EFNA5: variants seen among roughly 807,000 people sequenced by gnomAD.
The protein encoded by EFNA5 is ephrin A5, also known as ephrin-A5.
In EFNA5, 5 loss-of-function variants were observed where a neutral mutation model predicts 22.9. The observed-to-expected ratio is 0.22, with a 90% CI of 0.11 to 0.46. The LOEUF (loss-of-function observed/expected upper bound fraction) is 0.46. Ranked by LOEUF, EFNA5 falls within the 20% of genes least tolerant of loss-of-function variation. EFNA5 has a pLI of 0.99. For synonymous variants in EFNA5, 113 were observed against 112.2 expected, an observed-to-expected ratio of 1.01 and a Z score of -0.04; for missense variants, 237 against 293.3, an observed-to-expected ratio of 0.81 and a Z score of 1.40.
At chr5:107,510,111 G>A (rs1489234530) in intron 1 of EFNA5, among the ~76,000 whole-genome samples, 1 of 152,176 alleles carries the variant, frequency 6.6e-6, no homozygotes, top group East Asian at 1.9e-4. Context: ...AGACCTTGCT[G>A]ATAAAACAGC....
At chr5:107,590,481 T>C (rs914794880) in intron 1 of EFNA5, among the ~76,000 whole-genome samples, 1 of 152,054 alleles carries the variant, frequency 6.6e-6, no homozygotes, top group Non-Finnish European at 1.5e-5. Context: ...CTCAACCTCC[T>C]GGGCTCAAGT....
intron 1 of EFNA5, among the ~76,000 whole-genome samples, chr5:107,513,471 T>C (rs535655910): frequency 1.3e-5 from 2 of 152,280 alleles, no homozygotes; most frequent in South Asian, 4.1e-4. Context: ...TCAAAGTGTC[T>C]CACTTGTGTA....
At chr5:107,501,016 C>A (rs1747121128) in intron 1 of EFNA5, among the ~76,000 whole-genome samples, 1 of 152,186 alleles carries the variant, frequency 6.6e-6, no homozygotes, top group African/African-American at 2.4e-5. Flanking sequence ...ACTATTTATT[C>A]ATACCTGGTG....
At chr5:107,638,991 G>GA (rs1750444783) in intron 1 of EFNA5, among the ~76,000 whole-genome samples, 1 of 152,036 alleles carries the variant, frequency 6.6e-6, no homozygotes, top group African/African-American at 2.4e-5. Context: ...TAATAAAATA[G>GA]AAAAAAGATA....
intron 1 of EFNA5, among the ~76,000 whole-genome samples, chr5:107,604,243 T>A (rs1184409106): frequency 2.0e-5 from 3 of 152,132 alleles, no homozygotes; most frequent in Non-Finnish European, 2.9e-5. Context: ...TACAGTGGTG[T>A]ATCACGGCTC....
In EFNA5 at chr5:107,667,317, T is replaced by C. The variant is rs544842803; in HGVS notation, c.125+3172A>G. On this transcript the variant is annotated intron_variant, in intron 1 of 4. Coordinates refer to ENST00000333274, the MANE Select transcript of EFNA5 (RefSeq NM_001962.3). The stretch of plus-strand genomic sequence containing the variant: ...GTTATCAGCATTTGAAAACTCAGTA[T>C]CCACTTCTCAGAAGTGAATACCTGG... Among the ~76,000 whole-genome samples the C allele has an allele frequency of 1.2e-3, 176 of 152,230 alleles. 1 individual carries two copies. Among genetic ancestry groups the C allele is most frequent in the Middle Eastern group, 6.8e-3 (2 of 294 alleles).
chr5:107,387,142 A>G, intron 4 of EFNA5, 93 bp downstream of exon 4: 1 of 819,530 alleles, frequency 1.2e-6, no homozygotes, highest in Middle Eastern at 3.0e-4. Flanking sequence ...CAACTATAAC[A>G]TGCAAACATG....
intron 4 of EFNA5, among the ~76,000 whole-genome samples, chr5:107,383,684 G>A (rs908986399): frequency 6.6e-6 from 1 of 152,054 alleles, no homozygotes; most frequent in Non-Finnish European, 1.5e-5. Flanking sequence ...ACTGTTAAAG[G>A]TACCCAGCTA....
chr5:107,467,800 C>A (rs775685812), intron 1 of EFNA5, among the ~76,000 whole-genome samples: 29 of 152,146 alleles, frequency 1.9e-4, no homozygotes, highest in Non-Finnish European at 3.5e-4. Flanking sequence ...CTTTCCCAGG[C>A]AGAAGCAGGA....
At chr5:107,534,633 G>A (rs1747893560) in intron 1 of EFNA5, among the ~76,000 whole-genome samples, 1 of 152,110 alleles carries the variant, frequency 6.6e-6, no homozygotes. Flanking sequence ...TTTGTGATAT[G>A]TTTTGCAGCT....
At chr5:107,476,741 CT>C (rs1750322859) in intron 1 of EFNA5, among the ~76,000 whole-genome samples, 1 of 147,550 alleles carries the variant, frequency 6.8e-6, no homozygotes, top group Admixed American at 6.6e-5. Flanking sequence ...CTCTTTCTCT[CT>C]CTCTCTCTCT....
intron 1 of EFNA5, among the ~76,000 whole-genome samples, chr5:107,483,409 G>A (rs185888845): frequency 8.3e-4 from 127 of 152,198 alleles, no homozygotes; most frequent in Non-Finnish European, 1.6e-3. Context: ...CCGAATCCTA[G>A]CTATAAGTCA....
At chr5:107,606,170 C>G (rs927751283) in intron 1 of EFNA5, among the ~76,000 whole-genome samples, 3 of 152,172 alleles carry the variant, frequency 2.0e-5, no homozygotes, top group African/African-American at 7.2e-5. Context: ...GCTGCAAATA[C>G]TTAATGCAAT....
chr5:107,651,373 G>T (rs1750726333), intron 1 of EFNA5, among the ~76,000 whole-genome samples: 1 of 152,058 alleles, frequency 6.6e-6, no homozygotes, highest in African/African-American at 2.4e-5. Flanking sequence ...TTCCTAGAGG[G>T]GCACATAAGT....
intron 2 of EFNA5, among the ~76,000 whole-genome samples, chr5:107,423,788 C>G (rs945640802): frequency 6.6e-6 from 1 of 152,092 alleles, no homozygotes; most frequent in Non-Finnish European, 1.5e-5. Context: ...ATTATAACAA[C>G]TTAATATACT....
At chr5:107,592,043 ATT>A (rs1749379182) in intron 1 of EFNA5, among the ~76,000 whole-genome samples, 3 of 93,254 alleles carry the variant, frequency 3.2e-5, no homozygotes, top group East Asian at 5.1e-4. Context: ...TATTATATAT[ATT>A]ATACATTAAA....
intron 1 of EFNA5, among the ~76,000 whole-genome samples, chr5:107,470,486 T>C (rs1357020563): frequency 6.6e-6 from 1 of 152,208 alleles, no homozygotes; most frequent in East Asian, 1.9e-4. Flanking sequence ...AGTGAAACCA[T>C]TAATGTCTGT....
At chr5:107,432,827 C>T (rs902401281) in intron 1 of EFNA5, among the ~76,000 whole-genome samples, 2 of 152,170 alleles carry the variant, frequency 1.3e-5, no homozygotes, top group Admixed American at 1.3e-4. Context: ...TCCACTTACA[C>T]GTGGACTTGC....
rs575435018 is a variant in EFNA5, at chr5:107,579,082, G to A, written c.125+91407C>T. 7.2e-5 allele frequency among the ~76,000 whole-genome samples: 11 copies of A among 152,154 alleles called. No individual in the cohort carries two copies. In the South Asian group the frequency reaches 1.2e-3, roughly 17 times the overall value. ...CTCTGCCACTTCCTGCTTGCCCACT[G>A]CATGCCTTGAACTCTACATACCCTC... On this transcript the variant is annotated intron_variant, in intron 1 of 4. Transcript: ENST00000333274.
Sources: gnomAD v4.1 joint callset for allele counts (sites outside exome capture counted in the v4.1 genomes callset) on GRCh38, gnomAD v4.1.1 for gene constraint, MANE v1.5 for transcripts, NCBI Gene and HGNC (gene_info 2026-07-23, HGNC 2026-07-21) for gene names.